The following EFCAB6 variants were observed in gnomAD, a reference collection of about 807,000 sequenced individuals.
The protein encoded by EFCAB6 is EF-hand calcium binding domain 6.
In EFCAB6, 156 loss-of-function variants were observed where a neutral mutation model predicts 169.8. The ratio of observed to expected loss-of-function variants is 0.92; its 90% confidence interval spans 0.81 to 1.05. The LOEUF is 1.05. Among genes scored for constraint, EFCAB6 ranks in the 50% least tolerant of loss-of-function variants. The pLI is 0.00. For synonymous variants in EFCAB6, 698 were observed against 676.4 expected, an observed-to-expected ratio of 1.03 and a Z score of -0.50; for missense variants, 1,800 against 1,829.1, an observed-to-expected ratio of 0.98 and a Z score of 0.29.
intron 8 of EFCAB6, among the ~76,000 whole-genome samples, chr22:43,726,960 TA>T (rs1405690069): frequency 6.6e-6 from 1 of 152,188 alleles, no homozygotes; most frequent in Non-Finnish European, 1.5e-5. Context: ...ATATCCAGAA[TA>T]AATTGCAAAA....
chr22:43,753,156 T>C (rs2060831800), intron 6 of EFCAB6, among the ~76,000 whole-genome samples: 1 of 152,110 alleles, frequency 6.6e-6, no homozygotes, highest in Admixed American at 6.6e-5. Flanking sequence ...AGCCCAGGTG[T>C]ACCTGATTCT....
At chr22:43,626,863 A>T (rs1040674623) in intron 19 of EFCAB6, among the ~76,000 whole-genome samples, 184 bp from the exon 20 acceptor site, 1 of 152,094 alleles carries the variant, frequency 6.6e-6, no homozygotes, top group Admixed American at 6.5e-5. Context: ...TTTCCCAAGA[A>T]ATTATAAAGC....
chr22:43,782,207 A>T lies in EFCAB6; in HGVS notation c.112T>A (p.Ser38Thr). ...GAAGAAGATCTGAACTTATTTGGGG[A>T]ACCATTCCTTGAATATACTCTACAC... ...SPCRVYSRNG[S>T]PNKFRSSSTT... Residue 38 changes from serine (S) to threonine (T), a missense_variant, in exon 3 of 32, where the codon TCC becomes ACC. Ser to Thr is a moderately conservative substitution (Grantham distance 58). Transcript: ENST00000262726. 6.2e-7 allele frequency: 1 copy of T among 1,612,532 alleles called. No homozygotes were observed.
At chr22:43,609,262 G>T (rs1602585084) in intron 21 of EFCAB6, among the ~76,000 whole-genome samples, 1 of 152,162 alleles carries the variant, frequency 6.6e-6, no homozygotes, top group African/African-American at 2.4e-5. Flanking sequence ...CTAAGATCAG[G>T]AACAAAGTGA....
At chr22:43,582,501 A>G (rs1276622986) in intron 24 of EFCAB6, among the ~76,000 whole-genome samples, 1 of 152,222 alleles carries the variant, frequency 6.6e-6, no homozygotes, top group Admixed American at 6.5e-5. Context: ...GAATTTAAAA[A>G]GTTTCAGTTC....
At chr22:43,782,155 T>C (rs2061842615) in intron 3 of EFCAB6, 25 bp downstream of exon 3, 2 of 1,604,390 alleles carry the variant, frequency 1.2e-6, no homozygotes, top group Non-Finnish European at 1.7e-6. Context: ...ACAGTTAGTG[T>C]TCTTATTTGC....
intron 8 of EFCAB6, among the ~76,000 whole-genome samples, chr22:43,724,448 A>G (rs1237187562): frequency 6.7e-6 from 1 of 149,544 alleles, no homozygotes; most frequent in Non-Finnish European, 1.5e-5. Flanking sequence ...GCTTACTGCA[A>G]CCTCTGCCTC....
At chr22:43,558,901 C>G (rs1396640501) in intron 26 of EFCAB6, among the ~76,000 whole-genome samples, 1 of 152,132 alleles carries the variant, frequency 6.6e-6, no homozygotes, top group African/African-American at 2.4e-5. Flanking sequence ...GGTCTGGAAC[C>G]AAACCTGCAA....
chr22:43,547,082 A>G (rs2048101987), intron 27 of EFCAB6, among the ~76,000 whole-genome samples: 1 of 152,190 alleles, frequency 6.6e-6, no homozygotes, highest in African/African-American at 2.4e-5. Flanking sequence ...ATAAATGACC[A>G]CTGTATAAAA....
rs1311000209 is a variant in EFCAB6, at chr22:43,528,867, C to T, written c.4492G>A (p.Ala1498Thr). The T allele has an allele frequency of 3.1e-6, 5 of 1,609,996 alleles. No homozygotes were observed. The highest frequency in any genetic ancestry group is 4.2e-6 in the Non-Finnish European group (5 of 1,176,860). Residue 1498 changes from alanine (A) to threonine (T), a missense_variant, in exon 32 of 32, where the codon GCA becomes ACA. By Grantham distance (58) the Ala-to-Thr change is moderately conservative. Transcript: ENST00000262726. Reference protein sequence around the residue: ...SKISYNDFLRAFLQ With the variant: ...SKISYNDFLRTFLQ Reference sequence around the variant, plus strand: ...AGCAGGGGTGTCTACTGGAGGAATGCCCGGAGGAAGTCGTTGTAGGAGATT... The same window carrying T: ...AGCAGGGGTGTCTACTGGAGGAATGTCCGGAGGAAGTCGTTGTAGGAGATT...
chr22:43,666,128 C>T (rs988364824), intron 17 of EFCAB6, among the ~76,000 whole-genome samples: 1 of 152,176 alleles, frequency 6.6e-6, no homozygotes, highest in Non-Finnish European at 1.5e-5. Flanking sequence ...ATTTCCTATC[C>T]TCAACTCCTT....
At chr22:43,538,546 G>T (rs908600567) in intron 28 of EFCAB6, among the ~76,000 whole-genome samples, 1 of 152,060 alleles carries the variant, frequency 6.6e-6, no homozygotes, top group African/African-American at 2.4e-5. Context: ...CCACCACCAT[G>T]CCTGGCTAAT....
rs191017618 is a variant in EFCAB6 at position 43,669,398 on chromosome 22, C to T, written c.1641-353G>A. ...CTACTCAGCAGTGAAAAGGAAAGAA[C>T]TGTTGGTATATATAAAACAAAATGA... On this transcript the variant is annotated intron_variant, in intron 15 of 31. Transcript: ENST00000262726. 2.8e-3 allele frequency among the ~76,000 whole-genome samples: 433 copies of T among 152,298 alleles called. 2 individuals carry two copies. Among genetic ancestry groups the T allele is most frequent in the Middle Eastern group, 0.027 (8 of 294 alleles).
chr22:43,678,903 T>A (rs2057889626), intron 12 of EFCAB6, among the ~76,000 whole-genome samples: 1 of 152,216 alleles, frequency 6.6e-6, no homozygotes, highest in Non-Finnish European at 1.5e-5. Flanking sequence ...ATGTCAACTA[T>A]TATTTGGGGG....
At chr22:43,714,939 G>A (rs947284161) in intron 9 of EFCAB6, among the ~76,000 whole-genome samples, 1 of 152,108 alleles carries the variant, frequency 6.6e-6, no homozygotes, top group Non-Finnish European at 1.5e-5. Context: ...AACAACAGGG[G>A]GAATTATGGC....
intron 17 of EFCAB6, among the ~76,000 whole-genome samples, chr22:43,648,951 A>C (rs1362879269): frequency 5.3e-5 from 8 of 152,206 alleles, no homozygotes; most frequent in Non-Finnish European, 1.2e-4. Context: ...CCAAGCTTAC[A>C]CATTAGTGAG....
At chr22:43,794,418 C>T (rs1194122473) in intron 2 of EFCAB6, among the ~76,000 whole-genome samples, 1 of 152,124 alleles carries the variant, frequency 6.6e-6, no homozygotes, top group East Asian at 1.9e-4. Flanking sequence ...ACAGTGAAGC[C>T]AAGACCCAAA....
intron 21 of EFCAB6, among the ~76,000 whole-genome samples, chr22:43,610,186 T>C (rs1426583091): frequency 6.6e-6 from 1 of 152,180 alleles, no homozygotes; most frequent in Non-Finnish European, 1.5e-5. Context: ...AAAAAGAACT[T>C]ATATTTATCA....
chr22:43,609,622 G>A (rs758731561), intron 21 of EFCAB6, among the ~76,000 whole-genome samples: 6 of 152,176 alleles, frequency 3.9e-5, no homozygotes, highest in Non-Finnish European at 7.4e-5. Flanking sequence ...ATACAGAAAA[G>A]TATAAAACTT....
Sources: allele counts gnomAD v4.1 joint callset (sites outside exome capture counted in the v4.1 genomes callset), GRCh38; gene constraint gnomAD v4.1.1; transcripts MANE v1.5; gene names NCBI Gene and HGNC (gene_info 2026-07-23, HGNC 2026-07-21).